MAPK14: variants seen among roughly 807,000 people sequenced by gnomAD.
The protein encoded by MAPK14 is mitogen-activated protein kinase 14, also known as CSAID-binding protein.
MAPK14 carries 16 observed loss-of-function variants against 49.6 expected under a neutral mutation model. That is an observed-to-expected ratio of 0.32 (90% CI 0.22 to 0.49). The LOEUF is 0.49. Ranked by LOEUF, MAPK14 falls within the 20% of genes least tolerant of loss-of-function variation. The pLI is 0.99. For synonymous variants in MAPK14, 142 were observed against 158.0 expected, an observed-to-expected ratio of 0.90 and a Z score of 0.76; for missense variants, 200 against 441.2, an observed-to-expected ratio of 0.45 and a Z score of 4.90.
At position 36,028,015 on chromosome 6, in the gene MAPK14, G is replaced by A. The variant is rs1006417798; in HGVS notation, c.-143G>A. The stretch of plus-strand genomic sequence containing the variant: ...AGCAGCCGCGCGCGCGGGAGTCTGC[G>A]GGGTCGCGGCAGCCGCACCTGCGCG... On this transcript the variant is annotated 5_prime_UTR_variant, in exon 1 of 12. Transcript: ENST00000229794. The surrounding 1 kb of genome is among the most constrained non-coding windows in gnomAD (Gnocchi z 5.1). The A allele has an allele frequency of 6.4e-6, 3 of 467,650 alleles. No individual in the cohort carries two copies. The highest frequency in any genetic ancestry group is 7.1e-5 in the East Asian group (2 of 28,140). The allele number at this position is 467,650 out of a possible 1,614,324, so 29.0% of individuals were successfully genotyped here. A position where few individuals can be genotyped will look rare whatever the true frequency, so the allele number is the denominator to read the frequency against.
intron 8 of MAPK14, among the ~76,000 whole-genome samples, chr6:36,081,881 A>T (rs1480624864): frequency 2.6e-5 from 4 of 151,882 alleles, no homozygotes; most frequent in African/African-American, 7.3e-5. Flanking sequence ...TGAACAAAGG[A>T]TCTCTTTCCA....
At chr6:36,060,082 G>A (rs1763751701) in intron 3 of MAPK14, among the ~76,000 whole-genome samples, 1 of 152,184 alleles carries the variant, frequency 6.6e-6, no homozygotes, top group Admixed American at 6.5e-5. Flanking sequence ...ACCAGTAGTG[G>A]GGGGCTAGGG....
intron 8 of MAPK14, among the ~76,000 whole-genome samples, chr6:36,084,665 A>G (rs961414708): frequency 1.3e-5 from 2 of 152,350 alleles, no homozygotes; most frequent in East Asian, 1.9e-4. Flanking sequence ...TTTGAGAACT[A>G]TGGGATTATT....
intron 8 of MAPK14, among the ~76,000 whole-genome samples, chr6:36,088,096 C>G (rs935481543): frequency 1.3e-5 from 2 of 152,066 alleles, no homozygotes; most frequent in East Asian, 3.9e-4. Context: ...GAAACTGGAC[C>G]CCTTCCTTAC....
In MAPK14 at chr6:36,103,760, C is replaced by T. The variant is rs558455702; in HGVS notation, c.841+1111C>T. Among the ~76,000 whole-genome samples, 24 of 152,284 alleles carry T rather than the reference C, an allele frequency of 1.6e-4. No homozygotes were observed. The East Asian group carries it at 4.6e-3, about 29-fold the overall frequency. On this transcript the variant is annotated intron_variant, in intron 10 of 11. Transcript: ENST00000229794. ...GGACAGTGCTGTTTAATGGTGGACA[C>T]AGAAGGATCAGACCAGGACCTCCCT...
At chr6:36,060,705 T>A (rs1482819762) in intron 3 of MAPK14, among the ~76,000 whole-genome samples, 2 of 152,194 alleles carry the variant, frequency 1.3e-5, no homozygotes, top group Non-Finnish European at 2.9e-5. Context: ...TTTGAACTTC[T>A]ATGTTCTGTC....
chr6:36,060,425 A>G (rs769387996), intron 3 of MAPK14, among the ~76,000 whole-genome samples: 29 of 152,186 alleles, frequency 1.9e-4, no homozygotes, highest in Non-Finnish European at 3.5e-4. Context: ...ACACTATACC[A>G]TGAAAGAGAA....
intron 3 of MAPK14, among the ~76,000 whole-genome samples, chr6:36,070,505 A>G (rs2127438417): frequency 6.6e-6 from 1 of 152,346 alleles, no homozygotes; most frequent in East Asian, 1.9e-4. Context: ...GCAGTGCTGG[A>G]CACAGAATAA....
At chr6:36,054,528 A>G (rs561840101) in intron 2 of MAPK14, among the ~76,000 whole-genome samples, 2 of 152,292 alleles carry the variant, frequency 1.3e-5, no homozygotes, top group Non-Finnish European at 2.9e-5. Context: ...TTTAAGTTCT[A>G]ACAGTTGGTG....
chr6:36,046,642 T>C (rs544284563), intron 1 of MAPK14, among the ~76,000 whole-genome samples: 1 of 152,356 alleles, frequency 6.6e-6, no homozygotes, highest in South Asian at 2.1e-4. Context: ...CCAGCTCTTA[T>C]TTAATCACTC....
intron 3 of MAPK14, among the ~76,000 whole-genome samples, chr6:36,072,405 G>C (rs1003483613): frequency 5.3e-5 from 8 of 152,066 alleles, no homozygotes; most frequent in African/African-American, 1.9e-4. Context: ...AAAATGAGTA[G>C]TTGTTAGCTT....
intron 8 of MAPK14, among the ~76,000 whole-genome samples, chr6:36,080,488 T>C (rs529972103): frequency 2.2e-4 from 34 of 152,340 alleles, no homozygotes; most frequent in Non-Finnish European, 4.0e-4. Context: ...CTGGATTATT[T>C]CACTTAGTAT....
chr6:36,118,701 A>G, the MAPK14 span, among the ~76,000 whole-genome samples: 6 of 152,236 alleles, frequency 3.9e-5, no homozygotes, highest in African/African-American at 1.4e-4. Flanking sequence ...ATTGTCCTGT[A>G]TGGAAACTCA....
chr6:36,050,232 C>G lies in MAPK14; in HGVS notation c.117-2467C>G, dbSNP rs146989996. Among the ~76,000 whole-genome samples, 103 of 151,944 alleles carry G rather than the reference C, an allele frequency of 6.8e-4. 1 individual carries two copies. The East Asian group carries it at 0.016, about 24-fold the overall frequency. ...TGAGTACATCAGAGAGACAGACAGA[C>G]AGAGAGAGAGAAGTGCAAGGGAGTG... is the stretch of plus-strand genomic sequence containing the variant. On this transcript the variant is annotated intron_variant, in intron 1 of 11. Transcript: ENST00000229794.
chr6:36,057,580 G>A (rs578041103), intron 2 of MAPK14, among the ~76,000 whole-genome samples: 5 of 152,226 alleles, frequency 3.3e-5, no homozygotes, highest in East Asian at 1.9e-4. Flanking sequence ...GGAGTCGGGC[G>A]TGGTGGTGCA....
chr6:36,065,096 T>G (rs965383865), intron 3 of MAPK14, among the ~76,000 whole-genome samples: 5 of 152,346 alleles, frequency 3.3e-5, no homozygotes, highest in African/African-American at 1.2e-4. Context: ...GGTCTTCTCA[T>G]CAGAAGCTCT....
At position 36,050,991 on chromosome 6, in the gene MAPK14, G is replaced by A. The variant is rs553881529; in HGVS notation, c.117-1708G>A. Among the ~76,000 whole-genome samples the A allele has an allele frequency of 3.9e-5, 6 of 152,292 alleles. 1 individual carries two copies. The South Asian group carries it at 1.2e-3, about 32-fold the overall frequency. On this transcript the variant is annotated intron_variant, in intron 1 of 11. Coordinates refer to ENST00000229794, the MANE Select transcript of MAPK14 (RefSeq NM_139012.3). ...CTGGAGTAGGTACAGAGTTGTAAAA[G>A]CAAGTTTGGCAGGCAGAGAGTTTGG...
chr6:36,038,817 G>A (rs1011402443), intron 1 of MAPK14, among the ~76,000 whole-genome samples: 4 of 152,184 alleles, frequency 2.6e-5, no homozygotes, highest in Admixed American at 2.6e-4. Flanking sequence ...TAGCTCTTGA[G>A]TTTAGCTGAA....
intron 1 of MAPK14, among the ~76,000 whole-genome samples, chr6:36,038,543 C>T (rs552856295): frequency 6.6e-6 from 1 of 152,272 alleles, no homozygotes; most frequent in South Asian, 2.1e-4. Context: ...GATTACTGTG[C>T]TCTAGGGTCC....
Sources: allele counts gnomAD v4.1 joint callset (sites outside exome capture counted in the v4.1 genomes callset), GRCh38; gene constraint gnomAD v4.1.1; non-coding constraint Gnocchi (gnomAD v3.1); transcripts MANE v1.5; gene names NCBI Gene and HGNC (gene_info 2026-07-23, HGNC 2026-07-21).